KCNQ4: variants seen among roughly 807,000 people sequenced by gnomAD.
The protein encoded by KCNQ4 is potassium voltage-gated channel subfamily Q member 4, also known as potassium voltage-gated channel subfamily KQT member 4.
Under a neutral mutation model 72.6 loss-of-function variants are expected in KCNQ4, and 31 were observed. The observed-to-expected ratio is 0.43, with a 90% CI of 0.32 to 0.58. The LOEUF (loss-of-function observed/expected upper bound fraction) is 0.58. Ranked by LOEUF, KCNQ4 falls within the 20% of genes least tolerant of loss-of-function variation. The probability of loss-of-function intolerance (pLI) is 0.08; values close to 1 mark genes in which losing one functional copy is unlikely to be tolerated. For synonymous variants in KCNQ4, 405 were observed against 403.7 expected (o/e 1.00, Z -0.04); for missense variants, 869 against 962.6 (o/e 0.90, Z 1.29).
intron 1 of KCNQ4, among the ~76,000 whole-genome samples, chr1:40,796,622 G>A (rs2148299771): frequency 6.6e-6 from 1 of 152,206 alleles, no homozygotes; most frequent in African/African-American, 2.4e-5. Context: ...GAGCCTTAAA[G>A]TTCAAGGTCC....
intron 1 of KCNQ4, among the ~76,000 whole-genome samples, chr1:40,809,764 C>G (rs1647870875): frequency 6.6e-6 from 1 of 152,172 alleles, no homozygotes; most frequent in African/African-American, 2.4e-5. Context: ...GTCATTTCCT[C>G]TCTTAGAACT....
chr1:40,800,277 G>A (rs536905505), intron 1 of KCNQ4, among the ~76,000 whole-genome samples: 43 of 152,200 alleles, frequency 2.8e-4, no homozygotes, highest in African/African-American at 1.0e-3. Context: ...TCTGAGGATC[G>A]GAGGGTAGCA....
At chr1:40,785,657 T>G (rs2148831372) in intron 1 of KCNQ4, among the ~76,000 whole-genome samples, 1 of 152,180 alleles carries the variant, frequency 6.6e-6, no homozygotes, top group Non-Finnish European at 1.5e-5. Flanking sequence ...TGCCTGTCTG[T>G]GCATCTGCCT....
At chr1:40,822,814 C>T (rs973997228) in intron 8 of KCNQ4, among the ~76,000 whole-genome samples, 20 of 152,196 alleles carry the variant, frequency 1.3e-4, no homozygotes, top group Admixed American at 1.2e-3. Context: ...GTGTTCCAGA[C>T]TTAGGTGCAT....
Position 40,838,554 on chromosome 1 carries a change from C to T in KCNQ4, c.*31C>T, listed in dbSNP as rs1402276075. On this transcript the variant is annotated 3_prime_UTR_variant, in exon 14 of 14. Coordinates refer to ENST00000347132, the MANE Select transcript of KCNQ4 (RefSeq NM_004700.4). ...TTCTCAGAGGCAGGGCAGCACACGGCCAGCCCCGCGGCCTGGCGCTCCGAC... is the reference window on the plus strand; with the variant it reads ...TTCTCAGAGGCAGGGCAGCACACGGTCAGCCCCGCGGCCTGGCGCTCCGAC... 1.9e-6 allele frequency: 3 copies of T among 1,602,278 alleles called. No homozygotes were observed. The highest frequency in any genetic ancestry group is 2.6e-6 in the Non-Finnish European group (3 of 1,169,412).
At chr1:40,818,880 A>T (rs1648188548) in intron 4 of KCNQ4, 200 bp downstream of exon 4, 2 of 640,060 alleles carry the variant, frequency 3.1e-6, no homozygotes, top group Non-Finnish European at 2.8e-6. Context: ...GGGCGGGCCT[A>T]GGAGTCCGGA....
At chr1:40,836,210 G>A (rs913072278) in intron 12 of KCNQ4, among the ~76,000 whole-genome samples, 4 of 152,204 alleles carry the variant, frequency 2.6e-5, no homozygotes, top group African/African-American at 7.2e-5. Context: ...GGTGGGACAA[G>A]TGGTCAGATT....
At chr1:40,819,617 G>T in intron 5 of KCNQ4, 145 bp downstream of exon 5, 1 of 1,119,974 alleles carries the variant, frequency 8.9e-7, no homozygotes. Context: ...CCTGAGACCA[G>T]CCCCAATGCT....
chr1:40,784,543 A>G lies in KCNQ4; in HGVS notation c.314+136A>G. On this transcript the variant is annotated intron_variant, in intron 1 of 13. Transcript: ENST00000347132. The surrounding 1 kb of genome is among the most constrained non-coding windows in gnomAD (Gnocchi z 4.1). ...CCTCATCTCTCTCCCCCCAGGCCTA[A>G]GCCCGGTTTCTGATCCCCTCGCTGA... The G allele has an allele frequency of 1.2e-6, 1 of 847,646 alleles. No homozygotes were observed. The highest frequency in any genetic ancestry group is 1.9e-6 in the Non-Finnish European group (1 of 518,498). The allele number at this position is 847,646 out of a possible 1,614,324, so 52.5% of individuals were successfully genotyped here.
At position 40,819,372 on chromosome 1, in the gene KCNQ4, G is replaced by T; in HGVS notation, c.734G>T (p.Gly245Val). Reference sequence around the variant, plus strand: ...GAGCTGATCACCGCCTGGTACATCGGGTTCCTGGTGCTCATCTTCGCCTCC... The same window carrying T: ...GAGCTGATCACCGCCTGGTACATCGTGTTCCTGGTGCTCATCTTCGCCTCC... ...SKELITAWYI[G>V]FLVLIFASFL... Residue 245 changes from glycine (G) to valine (V), a missense_variant, in exon 5 of 14, where the codon GGG (glycine) becomes GTG (valine). Gly to Val is a moderately radical substitution (Grantham distance 109). This residue lies in a region of KCNQ4 where 179 missense variants were observed against 243.0 expected (regional missense o/e 0.74). Coordinates refer to ENST00000347132, the MANE Select transcript of KCNQ4 (RefSeq NM_004700.4). The T allele has an allele frequency of 6.2e-7, 1 of 1,613,892 alleles. No homozygotes were observed. Among genetic ancestry groups the T allele is most frequent in the Non-Finnish European group, 8.5e-7 (1 of 1,179,986 alleles).
At chr1:40,801,696 T>A (rs1207721810) in intron 1 of KCNQ4, among the ~76,000 whole-genome samples, 1 of 152,182 alleles carries the variant, frequency 6.6e-6, no homozygotes, top group East Asian at 1.9e-4. Context: ...TCCCATTACC[T>A]ACTCATTTGT....
chr1:40,837,450 CGTGTGTG>C (rs1489576847), intron 12 of KCNQ4, among the ~76,000 whole-genome samples: 2 of 152,224 alleles, frequency 1.3e-5, no homozygotes, highest in Non-Finnish European at 2.9e-5. Context: ...TTGTCAGGTT[CGTGTGTG>C]GTGCCTTTGC....
intron 1 of KCNQ4, among the ~76,000 whole-genome samples, chr1:40,816,704 C>T (rs1055101779): frequency 1.3e-5 from 2 of 152,232 alleles, no homozygotes; most frequent in Non-Finnish European, 2.9e-5. Context: ...ATCATTCCTT[C>T]TCTACCTGTC....
At chr1:40,827,492 G>A (rs143480349) in intron 9 of KCNQ4, among the ~76,000 whole-genome samples, 4 of 152,176 alleles carry the variant, frequency 2.6e-5, no homozygotes, top group African/African-American at 2.4e-5. Context: ...GGACATCAGA[G>A]CGAAGGTTGG....
At chr1:40,818,804 G>A in intron 4 of KCNQ4, 124 bp downstream of exon 4, 1 of 1,124,548 alleles carries the variant, frequency 8.9e-7, no homozygotes, top group South Asian at 1.4e-5. Flanking sequence ...TGGCCTGCGG[G>A]GGTTGGAGCC....
intron 12 of KCNQ4, among the ~76,000 whole-genome samples, chr1:40,837,095 T>TCTTTTC (rs542856226): frequency 1.3e-5 from 2 of 148,784 alleles, no homozygotes; most frequent in Admixed American, 6.6e-5. Context: ...TCTTTTCTTT[T>TCTTTTC]TTTTTTTTTT....
At chr1:40,803,445 GC>G (rs910817418) in intron 1 of KCNQ4, among the ~76,000 whole-genome samples, 1 of 152,148 alleles carries the variant, frequency 6.6e-6, no homozygotes, top group Non-Finnish European at 1.5e-5. Flanking sequence ...TCCCTCTGCT[GC>G]CCCCCAATCC....
At chr1:40,820,339 T>C (rs1015556157) in intron 7 of KCNQ4, 79 bp downstream of exon 7, 1 of 1,235,934 alleles carries the variant, frequency 8.1e-7, no homozygotes, top group African/African-American at 1.5e-5. Flanking sequence ...TGCTGACCCA[T>C]GTCCCCAGCC....
chr1:40,836,113 G>A (rs1227393911), intron 12 of KCNQ4, among the ~76,000 whole-genome samples: 1 of 152,216 alleles, frequency 6.6e-6, no homozygotes, highest in Admixed American at 6.5e-5. Context: ...AGCGGAGTGA[G>A]GGTGGACACA....
Sources: gnomAD v4.1 joint callset for allele counts (sites outside exome capture counted in the v4.1 genomes callset) on GRCh38, gnomAD v4.1.1 for gene constraint, gnomAD v4.1.1 regional missense constraint, Gnocchi (gnomAD v3.1) non-coding constraint, MANE v1.5 for transcripts, NCBI Gene and HGNC (gene_info 2026-07-23, HGNC 2026-07-21) for gene names.